The following ZNF559 variants were observed in gnomAD, a reference collection of about 807,000 sequenced individuals.
ZNF559 encodes the protein putative protein product of Nbla00121.
In ZNF559, 17 loss-of-function variants were observed where a neutral mutation model predicts 14.2. The observed-to-expected ratio is 1.20, with a 90% CI of 0.82 to 1.80. The LOEUF is 1.80. ZNF559 is among the 40% of genes most tolerant of loss of function. The pLI is 0.00. For synonymous variants in ZNF559, 244 were observed against 212.4 expected (o/e 1.15, Z -1.29); for missense variants, 740 against 629.7 (o/e 1.18, Z -1.88).
At chr19:9,329,401 T>C (rs897628922) in intron 2 of ZNF559, among the ~76,000 whole-genome samples, 2 of 152,198 alleles carry the variant, frequency 1.3e-5, no homozygotes, top group African/African-American at 4.8e-5. Flanking sequence ...ATTTGCTTTA[T>C]GTATGATGAG....
chr19:9,340,430 C>T (rs2067494330), intron 5 of ZNF559, among the ~76,000 whole-genome samples: 1 of 152,034 alleles, frequency 6.6e-6, no homozygotes, highest in African/African-American at 2.4e-5. Context: ...TGTCTCACTT[C>T]TCCTTTAAAT....
chr19:9,329,771 C>T (rs973280035), intron 2 of ZNF559, among the ~76,000 whole-genome samples: 1 of 152,168 alleles, frequency 6.6e-6, no homozygotes, highest in African/African-American at 2.4e-5. Context: ...TCAAGCAATT[C>T]TTCTGTCTCA....
chr19:9,330,222 A>G (rs537979015), intron 2 of ZNF559: 1 of 152,280 alleles, frequency 6.6e-6, no homozygotes, highest in East Asian at 1.9e-4. Flanking sequence ...GTATGTAGTA[A>G]GTCATTTTTC....
rs753294800 is a variant in ZNF559 at position 9,343,068 on chromosome 19, A to T, written c.1617A>T (p.Ter539CysextTer45). ...SNSSCLTECV* is the reference protein window; with the variant it reads ...SNSSCLTECVC ...CCTCATGCCTTACTGAATGTGTGTG[A>T]ATTGGGGCTGATACTTGGAAAGAAT... Residue 539 changes from the stop codon to cysteine (C), a stop_lost, in exon 7 of 7, where the codon TGA (stop) becomes TGT (cysteine). Transcript: ENST00000603380. The T allele has an allele frequency of 8.1e-6, 13 of 1,605,384 alleles. No individual in the cohort carries two copies. The highest frequency in any genetic ancestry group is 1.1e-5 in the Non-Finnish European group (13 of 1,176,074).
rs926275458 is a variant in ZNF559, at chr19:9,344,318, A to T, written c.*1250A>T. The T allele has an allele frequency of 6.6e-6, 1 of 152,156 alleles. No individual in the cohort carries two copies. The highest frequency in any genetic ancestry group is 1.5e-5 in the Non-Finnish European group (1 of 68,028). 9.4% of individuals were successfully genotyped at this position (152,156 alleles called of 1,614,324 possible). A position where few individuals can be genotyped will look rare whatever the true frequency, so the allele number is the denominator to read the frequency against. On this transcript the variant is annotated 3_prime_UTR_variant, in exon 7 of 7. Transcript: ENST00000603380. ...AGTTATAGGGAATTGAGGAACATTT[A>T]GGGGTACAAATTTTCACTTATTGCA...
intron 2 of ZNF559, among the ~76,000 whole-genome samples, chr19:9,325,265 G>A (rs1185151116): frequency 6.6e-6 from 1 of 151,102 alleles, no homozygotes; most frequent in Non-Finnish European, 1.5e-5. Flanking sequence ...GAAAAAATAG[G>A]GCAAGCCTCT....
chr19:9,337,708 G>A (rs2067316550), intron 2 of ZNF559, 88 bp from the exon 3 acceptor site: 1 of 954,088 alleles, frequency 1.0e-6, no homozygotes, highest in South Asian at 1.9e-5. Context: ...TGGCACATGG[G>A]TACTAGGTAA....
Position 9,324,689 on chromosome 19 carries a change from T to C in ZNF559, c.-205-6T>C, listed in dbSNP as rs2066482797. ...CACATCCAGCGTTGTGCCTTTTCTC[T>C]ATAAGGAACAGCATCTCTGCCTTCC... On this transcript the variant is annotated splice_region_variant and splice_polypyrimidine_tract_variant and intron_variant, in intron 1 of 6. Transcript: ENST00000603380. 4.6e-6 allele frequency: 7 copies of C among 1,528,634 alleles called. No individual in the cohort carries two copies. The highest frequency in any genetic ancestry group is 1.4e-5 in the African/African-American group (1 of 71,488). 94.7% of individuals were successfully genotyped at this position (1,528,634 alleles called of 1,614,324 possible).
In ZNF559 at chr19:9,341,199, G is replaced by T; in HGVS notation, c.243+15G>T. 1.2e-6 allele frequency: 2 copies of T among 1,611,050 alleles called. No individual in the cohort carries two copies. The highest frequency in any genetic ancestry group is 1.7e-6 in the Non-Finnish European group (2 of 1,177,276). On this transcript the variant is annotated intron_variant, in intron 6 of 6. Transcript: ENST00000603380. Reference sequence around the variant, plus strand: ...TGGTGGAAATGGTAAGATTCAGAAGGTATAATTTATTGTCTTCCATGTTAG... The same window carrying T: ...TGGTGGAAATGGTAAGATTCAGAAGTTATAATTTATTGTCTTCCATGTTAG...
intron 4 of ZNF559, among the ~76,000 whole-genome samples, chr19:9,338,943 CAAT>C (rs920822335): frequency 2.0e-5 from 3 of 151,924 alleles, no homozygotes; most frequent in African/African-American, 7.3e-5. Context: ...CAGTAGAGAA[CAAT>C]AAGAAGAAGT....
intron 2 of ZNF559, among the ~76,000 whole-genome samples, chr19:9,336,522 C>T (rs952281998): frequency 2.6e-5 from 4 of 151,614 alleles, no homozygotes; most frequent in South Asian, 2.1e-4. Flanking sequence ...ACCTGGGAGG[C>T]AGACCTTGCT....
chr19:9,339,148 T>C (rs2122207415), intron 4 of ZNF559, 45 bp from the exon 5 acceptor site: 11 of 1,610,892 alleles, frequency 6.8e-6, no homozygotes, highest in Non-Finnish European at 9.3e-6. Flanking sequence ...GTCAACATAG[T>C]GGAGAACGTA....
chr19:9,324,335 A>G, intron 1 of ZNF559, 107 bp downstream of exon 1: 2 of 1,523,194 alleles, frequency 1.3e-6, no homozygotes, highest in South Asian at 1.2e-5. Flanking sequence ...TGTCCCGTGC[A>G]CTTTCGGGCA....
Position 9,324,797 on chromosome 19 carries a change from C to T in ZNF559, c.-120+17C>T. 3 of 1,533,096 alleles carry T rather than the reference C, an allele frequency of 2.0e-6. No homozygotes were observed. Among genetic ancestry groups the T allele is most frequent in the Non-Finnish European group, 2.6e-6 (3 of 1,144,390 alleles). 95.0% of individuals were successfully genotyped at this position (1,533,096 alleles called of 1,614,324 possible). A position where few individuals can be genotyped will look rare whatever the true frequency, so the allele number is the denominator to read the frequency against. On this transcript the variant is annotated intron_variant, in intron 2 of 6. Transcript: ENST00000603380. ...CGTGTCCCGGTGAGCACTTCATGCACTTGTTCTGGCTGTGGGTGTCGGGTC... is the reference window on the plus strand; with the variant it reads ...CGTGTCCCGGTGAGCACTTCATGCATTTGTTCTGGCTGTGGGTGTCGGGTC...
chr19:9,338,510 T>G lies in ZNF559; in HGVS notation c.-40T>G. 2 of 1,613,658 alleles carry G rather than the reference T, an allele frequency of 1.2e-6. No homozygotes were observed. Among genetic ancestry groups the G allele is most frequent in the Non-Finnish European group, 1.7e-6 (2 of 1,179,594 alleles). The stretch of plus-strand genomic sequence containing the variant: ...CTTCTTAAGATCATCTTTCTCAAGA[T>G]GTTTTCTGTCTTCATGAGTCAAAAT... On this transcript the variant is annotated 5_prime_UTR_variant, in exon 4 of 7. An upstream start codon of the reference 5' UTR is lost. Transcript: ENST00000603380.
chr19:9,331,127 TC>T (rs1403720835), intron 2 of ZNF559, among the ~76,000 whole-genome samples: 1 of 152,236 alleles, frequency 6.6e-6, no homozygotes, highest in Admixed American at 6.5e-5. Context: ...CTGCCTCATT[TC>T]TTTCTCAGAT....
chr19:9,324,617 G>GCCCC (rs2066468140), intron 1 of ZNF559, 78 bp from the exon 2 acceptor site: 1 of 1,016,948 alleles, frequency 9.8e-7, no homozygotes, highest in Admixed American at 3.1e-5. Context: ...AACATAGGGA[G>GCCCC]ACCCCCCCCC....
intron 3 of ZNF559, 67 bp downstream of exon 3, chr19:9,337,925 G>T: frequency 6.5e-7 from 1 of 1,535,722 alleles, no homozygotes; most frequent in South Asian, 1.2e-5. Context: ...CATAAGTTCA[G>T]ACAGTGTCTC....
intron 2 of ZNF559, among the ~76,000 whole-genome samples, chr19:9,328,440 A>G (rs1226661100): frequency 7.8e-6 from 1 of 128,506 alleles, no homozygotes; most frequent in Non-Finnish European, 1.5e-5. Context: ...TGCAACCTCC[A>G]CCTCCCGGGT....
Sources: gnomAD v4.1 joint callset for allele counts (sites outside exome capture counted in the v4.1 genomes callset) on GRCh38, gnomAD v4.1.1 for gene constraint, MANE v1.5 for transcripts, NCBI Gene and HGNC (gene_info 2026-07-23, HGNC 2026-07-21) for gene names.